MACROD2: variants seen among roughly 807,000 people sequenced by gnomAD.
MACROD2 encodes ADP-ribose glycohydrolase MACROD2.
MACROD2 carries 36 observed loss-of-function variants against 70.4 expected under a neutral mutation model. The ratio of observed to expected loss-of-function variants is 0.51; its 90% CI spans 0.39 to 0.68. The LOEUF (loss-of-function observed/expected upper bound fraction) is 0.68, where lower values mean the gene tolerates loss of function less well. Ranked by LOEUF, MACROD2 falls within the 30% of genes least tolerant of loss-of-function variation. MACROD2 has a pLI of 0.00. For missense variants in MACROD2, 496 were observed against 538.4 expected (o/e 0.92, Z 0.78); for synonymous variants, 172 against 178.8 (o/e 0.96, Z 0.30).
intron 3 of MACROD2, among the ~76,000 whole-genome samples, chr20:14,249,130 T>A (rs958808): frequency 2.8e-5 from 3 of 108,762 alleles, no homozygotes. Context: ...TTTCAAAGGT[T>A]TTTTTTTTTT....
chr20:14,433,078 C>T (rs543946711), intron 3 of MACROD2, among the ~76,000 whole-genome samples: 5 of 152,172 alleles, frequency 3.3e-5, no homozygotes, highest in South Asian at 2.1e-4. Flanking sequence ...TCACCATCAG[C>T]AGGTAGGGGA....
chr20:14,538,262 T>C (rs544246078), intron 4 of MACROD2, among the ~76,000 whole-genome samples: 56 of 152,324 alleles, frequency 3.7e-4, no homozygotes, highest in African/African-American at 1.3e-3. Flanking sequence ...CACCCTTTTC[T>C]CAGGGCTAAA....
intron 15 of MACROD2, among the ~76,000 whole-genome samples, chr20:16,021,894 A>G (rs1294637617): frequency 6.6e-6 from 1 of 152,222 alleles, no homozygotes; most frequent in African/African-American, 2.4e-5. Context: ...ACAAAATATA[A>G]GCATTGAATA....
chr20:15,904,635 G>T (rs944128432), intron 10 of MACROD2, among the ~76,000 whole-genome samples: 2 of 151,832 alleles, frequency 1.3e-5, no homozygotes, highest in African/African-American at 2.4e-5. Flanking sequence ...GCTCACGCCT[G>T]TAATCCCAGC....
At chr20:15,780,714 CA>C (rs1311677394) in intron 8 of MACROD2, among the ~76,000 whole-genome samples, 3 of 151,952 alleles carry the variant, frequency 2.0e-5, no homozygotes, top group Non-Finnish European at 4.4e-5. Context: ...TAGTTGTTTA[CA>C]AAGTAAACAA....
intron 6 of MACROD2, among the ~76,000 whole-genome samples, chr20:15,239,340 T>C (rs2077040957): frequency 6.6e-6 from 1 of 152,064 alleles, no homozygotes; most frequent in Admixed American, 6.6e-5. Flanking sequence ...CTTTCTTGAC[T>C]TGTTTATGTA....
chr20:14,594,135 G>A (rs1161101955), intron 4 of MACROD2, among the ~76,000 whole-genome samples: 1 of 152,098 alleles, frequency 6.6e-6, no homozygotes, highest in Non-Finnish European at 1.5e-5. Context: ...TTTGCCTCAG[G>A]GAGTTGTAAG....
intron 5 of MACROD2, among the ~76,000 whole-genome samples, chr20:14,785,531 T>A (rs2072358577): frequency 6.6e-6 from 1 of 152,054 alleles, no homozygotes; most frequent in South Asian, 2.1e-4. Flanking sequence ...GGGTAAGCTT[T>A]ACTGGCAAGC....
intron 5 of MACROD2, among the ~76,000 whole-genome samples, chr20:14,807,777 C>A (rs537122003): frequency 1.3e-5 from 2 of 152,068 alleles, no homozygotes; most frequent in African/African-American, 4.8e-5. Context: ...AAACACAGCA[C>A]AAGAACTTTG....
chr20:14,943,798 T>A (rs6110473), intron 5 of MACROD2, among the ~76,000 whole-genome samples: 33,376 of 152,118 alleles, frequency 0.22, 4,429 homozygotes, highest in African/African-American at 0.37. Context: ...TTCTCCTGCA[T>A]GTTCCTGACT....
chr20:14,940,005 A>T (rs2423860), intron 5 of MACROD2, among the ~76,000 whole-genome samples: 33,496 of 151,726 alleles, frequency 0.22, 4,035 homozygotes, highest in Non-Finnish European at 0.28. Flanking sequence ...TTTTTGGTAG[A>T]ATCTTAAGGT....
rs186404953 is a variant in MACROD2, at chr20:14,478,947, T to G, written c.272-14532T>G. The stretch of plus-strand genomic sequence containing the variant: ...TTTTTCTAGGCTAGGCTTCTTTATG[T>G]TTCTAGGTGGGGAAAAGAAAGTCTC... On this transcript the variant is annotated intron_variant, in intron 3 of 17. Coordinates refer to ENST00000684519, the MANE Select transcript of MACROD2 (RefSeq NM_001351661.2). Among the ~76,000 whole-genome samples the G allele has an allele frequency of 2.0e-5, 3 of 152,118 alleles. No homozygotes were observed. In the East Asian group the frequency reaches 5.8e-4, roughly 29 times the overall value.
At chr20:14,116,872 T>A (rs757327190) in intron 3 of MACROD2, among the ~76,000 whole-genome samples, 1 of 151,904 alleles carries the variant, frequency 6.6e-6, no homozygotes, top group Admixed American at 6.6e-5. Flanking sequence ...ATCAAGACCA[T>A]CCTGGGCAAC....
chr20:14,363,322 A>C (rs1417244051), intron 3 of MACROD2, among the ~76,000 whole-genome samples: 2 of 152,114 alleles, frequency 1.3e-5, no homozygotes, highest in Non-Finnish European at 2.9e-5. Flanking sequence ...GAAATAGAGG[A>C]GTAGAGAGGG....
chr20:15,362,015 T>G (rs990784532), intron 6 of MACROD2, among the ~76,000 whole-genome samples: 18 of 151,566 alleles, frequency 1.2e-4, no homozygotes, highest in African/African-American at 4.1e-4. Flanking sequence ...TTCCTTTTTT[T>G]TTTTTTTCTT....
At chr20:15,878,084 T>C (rs1042801837) in intron 9 of MACROD2, among the ~76,000 whole-genome samples, 2 of 152,066 alleles carry the variant, frequency 1.3e-5, no homozygotes, top group Non-Finnish European at 2.9e-5. Flanking sequence ...TTCATGCTCA[T>C]GTCTCCTAGC....
At chr20:14,742,913 C>G (rs1312977691) in intron 5 of MACROD2, among the ~76,000 whole-genome samples, 2 of 151,084 alleles carry the variant, frequency 1.3e-5, no homozygotes, top group African/African-American at 4.9e-5. Context: ...TCTACAGGCG[C>G]CCGCCACTAT....
intron 10 of MACROD2, chr20:15,893,571 A>G (rs537808598): frequency 1.0e-5 from 4 of 397,128 alleles, no homozygotes; most frequent in Non-Finnish European, 2.0e-5. Flanking sequence ...CACTAGTACA[A>G]CATACAATTC....
At chr20:14,469,645 A>G (rs761734352) in intron 3 of MACROD2, among the ~76,000 whole-genome samples, 2 of 151,036 alleles carry the variant, frequency 1.3e-5, no homozygotes, top group Non-Finnish European at 2.9e-5. Context: ...CTTTTTCTCT[A>G]ATCTTGTCTT....
Sources: allele counts gnomAD v4.1 joint callset (sites outside exome capture counted in the v4.1 genomes callset), GRCh38; gene constraint gnomAD v4.1.1; transcripts MANE v1.5; gene names NCBI Gene and HGNC (gene_info 2026-07-23, HGNC 2026-07-21).